ADGRE3: variants seen among roughly 807,000 people sequenced by gnomAD.
ADGRE3 encodes the protein adhesion G protein-coupled receptor E3.
A neutral mutation model predicts 80.1 loss-of-function variants in ADGRE3; 88 were observed. The observed-to-expected ratio is 1.10, with a 90% CI of 0.93 to 1.31. The LOEUF (loss-of-function observed/expected upper bound fraction) is 1.31. Among genes scored for constraint, ADGRE3 ranks in the 40% most tolerant of loss-of-function variants. ADGRE3 has a pLI of 0.00. For missense variants in ADGRE3, 715 were observed against 776.5 expected (o/e 0.92, Z 0.94); for synonymous variants, 281 against 294.8 (o/e 0.95, Z 0.48).
chr19:14,667,358 T>A (rs979238598), intron 2 of ADGRE3, among the ~76,000 whole-genome samples: 6 of 150,810 alleles, frequency 4.0e-5, no homozygotes, highest in African/African-American at 7.4e-5. Flanking sequence ...TTTTTTTTTT[T>A]AAATTTGGTA....
chr19:14,609,983 A>C, the ADGRE3 span: 21 of 984,466 alleles, frequency 2.1e-5, no homozygotes, highest in Non-Finnish European at 3.3e-5. Flanking sequence ...AGTGCCAGGT[A>C]TTCATCATTA....
At chr19:14,602,346 G>A in the ADGRE3 span, among the ~76,000 whole-genome samples, 18 of 152,160 alleles carry the variant, frequency 1.2e-4, no homozygotes, top group Non-Finnish European at 2.4e-4. Context: ...CTGGAGTGCA[G>A]TGGCGCAGCC....
intron 9 of ADGRE3, among the ~76,000 whole-genome samples, chr19:14,642,910 T>C (rs995960227): frequency 1.4e-4 from 21 of 152,304 alleles, no homozygotes; most frequent in Middle Eastern, 3.4e-3. Context: ...TGTGTCTTTA[T>C]GATAGAATGA....
At chr19:14,605,929 G>A in the ADGRE3 span, among the ~76,000 whole-genome samples, 1 of 151,974 alleles carries the variant, frequency 6.6e-6, no homozygotes, top group African/African-American at 2.4e-5. Flanking sequence ...TTGTAGATAT[G>A]GGGTCTCAGT....
intron 6 of ADGRE3, among the ~76,000 whole-genome samples, chr19:14,652,840 T>G (rs1268167128): frequency 6.6e-6 from 1 of 151,864 alleles, no homozygotes; most frequent in Non-Finnish European, 1.5e-5. Context: ...CTACTACTGG[T>G]TTGTCTAATA....
chr19:14,670,105 T>C (rs2146913309), intron 1 of ADGRE3, among the ~76,000 whole-genome samples: 1 of 152,340 alleles, frequency 6.6e-6, no homozygotes, highest in South Asian at 2.1e-4. Context: ...TCTTGGTTTC[T>C]GTGGGTCAAG....
intron 2 of ADGRE3, among the ~76,000 whole-genome samples, chr19:14,665,936 G>GTATATATATGCATACATA (rs71166783): frequency 0.087 from 3,646 of 42,018 alleles, 1,039 homozygotes; most frequent in Middle Eastern, 0.12. Flanking sequence ...ACACATATGT[G>GTATATATATGCATACATA]TATATATATA....
intron 2 of ADGRE3, among the ~76,000 whole-genome samples, chr19:14,664,687 C>T (rs551087760): frequency 1.3e-5 from 2 of 151,956 alleles, no homozygotes; most frequent in African/African-American, 2.4e-5. Flanking sequence ...GCAGCCTCGG[C>T]GACAGAGTGA....
downstream of ADGRE3, among the ~76,000 whole-genome samples, chr19:14,614,887 A>AT (rs34761800): frequency 0.76 from 107,891 of 141,700 alleles, 40,763 homozygotes; most frequent in Admixed American, 0.81. Context: ...CCCGGCCCCC[A>AT]TTTTTTTTTT....
chr19:14,625,358 C>A (rs73005006), intron 15 of ADGRE3, 134 bp downstream of exon 15: 189,015 of 643,092 alleles, frequency 0.29, 30,729 homozygotes, highest in Non-Finnish European at 0.35. Flanking sequence ...ATGTAACAAA[C>A]CTGCACATGT....
intron 13 of ADGRE3, among the ~76,000 whole-genome samples, chr19:14,630,437 C>A (rs950920230): frequency 6.7e-6 from 1 of 149,852 alleles, no homozygotes; most frequent in Non-Finnish European, 1.5e-5. Context: ...GAGATGGAGT[C>A]TTGCTCTGTT....
the ADGRE3 span, among the ~76,000 whole-genome samples, chr19:14,613,076 C>T: frequency 6.6e-6 from 1 of 152,004 alleles, no homozygotes; most frequent in Non-Finnish European, 1.5e-5. Flanking sequence ...CAGGCACGTG[C>T]CACCATGCCT....
intron 14 of ADGRE3, among the ~76,000 whole-genome samples, chr19:14,629,541 T>G (rs892981255): frequency 2.6e-5 from 4 of 152,140 alleles, no homozygotes; most frequent in African/African-American, 9.7e-5. Flanking sequence ...CTCTTTGTGA[T>G]TTCAGCATTG....
chr19:14,670,975 C>T lies in ADGRE3; in HGVS notation c.26-2123G>A, dbSNP rs765406771. ...GACAGTGACTTGTCCTTTTTTCCCC[C>T]GGCAGATGCCACTCACCAGATCTGA... On this transcript the variant is annotated intron_variant, in intron 1 of 15. Coordinates refer to ENST00000253673, the MANE Select transcript of ADGRE3 (RefSeq NM_032571.5). Among the ~76,000 whole-genome samples, 33 of 152,212 alleles carry T rather than the reference C, an allele frequency of 2.2e-4. 1 individual carries two copies. The highest frequency in any genetic ancestry group is 5.8e-4 in the East Asian group (3 of 5,182).
chr19:14,665,936 G>GTATATATATTCATACATATA (rs71166783), intron 2 of ADGRE3, among the ~76,000 whole-genome samples: 1 of 42,098 alleles, frequency 2.4e-5, no homozygotes, highest in Admixed American at 3.2e-4. Context: ...ACACATATGT[G>GTATATATATTCATACATATA]TATATATATA....
chr19:14,671,538 A>G (rs1273882760), intron 1 of ADGRE3, among the ~76,000 whole-genome samples: 1 of 152,116 alleles, frequency 6.6e-6, no homozygotes, highest in African/African-American at 2.4e-5. Context: ...CTTAATCAAC[A>G]TCTGCAAAGT....
At position 14,631,035 on chromosome 19, in the gene ADGRE3, C is replaced by G. The variant is rs1181873341; in HGVS notation, c.1644-828G>C. ...ATTACAGGCACGTCACCACACCCAG[C>G]TAATCTTTGTATTTTTAGTAGAGAA... On this transcript the variant is annotated intron_variant, in intron 13 of 15. Transcript: ENST00000253673. Among the ~76,000 whole-genome samples, 4 of 151,786 alleles carry G rather than the reference C, an allele frequency of 2.6e-5. No individual in the cohort carries two copies. In the East Asian group the frequency reaches 7.8e-4, roughly 30 times the overall value.
the ADGRE3 span, among the ~76,000 whole-genome samples, chr19:14,600,469 T>C: frequency 5.0e-4 from 76 of 152,348 alleles, no homozygotes; most frequent in African/African-American, 1.8e-3. Flanking sequence ...TAGGTAGCAC[T>C]TTTTATGTTT....
intron 8 of ADGRE3, among the ~76,000 whole-genome samples, chr19:14,645,314 G>C (rs2146850309): frequency 6.6e-6 from 1 of 152,284 alleles, no homozygotes; most frequent in Non-Finnish European, 1.5e-5. Flanking sequence ...AATTGCTTAT[G>C]CAATGAGAGG....
Sources: gnomAD v4.1 joint callset for allele counts (sites outside exome capture counted in the v4.1 genomes callset) on GRCh38, gnomAD v4.1.1 for gene constraint, MANE v1.5 for transcripts, NCBI Gene and HGNC (gene_info 2026-07-23, HGNC 2026-07-21) for gene names.